MAML3: variants seen among roughly 807,000 people sequenced by gnomAD.
MAML3 encodes mastermind-like protein 3.
MAML3 carries 27 observed loss-of-function variants against 101.9 expected under a neutral mutation model. That is an observed-to-expected ratio of 0.27 (90% confidence interval 0.20 to 0.37). The LOEUF is 0.37. Among genes scored for constraint, MAML3 ranks in the 10% least tolerant of loss-of-function variants. The pLI is 1.00. For missense variants in MAML3, 1,316 were observed against 1,444.9 expected (o/e 0.91, Z 1.45); for synonymous variants, 501 against 555.9 (o/e 0.90, Z 1.39).
chr4:139,724,942 A>C (rs1303927479), intron 4 of MAML3, among the ~76,000 whole-genome samples: 1 of 152,000 alleles, frequency 6.6e-6, no homozygotes, highest in African/African-American at 2.4e-5. Flanking sequence ...GCATTTTTAG[A>C]GAGACAGGGT....
At chr4:139,732,524 A>T (rs189957292) in intron 2 of MAML3, among the ~76,000 whole-genome samples, 93 of 152,220 alleles carry the variant, frequency 6.1e-4, no homozygotes, top group Non-Finnish European at 7.1e-4. Flanking sequence ...GCAGTAGCTT[A>T]GGTCACACAA....
intron 3 of MAML3, among the ~76,000 whole-genome samples, chr4:139,726,402 G>A (rs1270360772): frequency 6.6e-6 from 1 of 152,142 alleles, no homozygotes; most frequent in Non-Finnish European, 1.5e-5. Flanking sequence ...GAACATTCCT[G>A]TACATGCCTT....
intron 1 of MAML3, among the ~76,000 whole-genome samples, chr4:139,972,638 T>C (rs906417535): frequency 2.0e-5 from 3 of 152,246 alleles, no homozygotes; most frequent in Non-Finnish European, 4.4e-5. Context: ...CAATGTTCCA[T>C]ATCATAATTG....
intron 1 of MAML3, among the ~76,000 whole-genome samples, chr4:140,112,020 G>A (rs1166565888): frequency 1.3e-5 from 2 of 152,028 alleles, no homozygotes; most frequent in African/African-American, 4.8e-5. Flanking sequence ...TTAGACTCTG[G>A]TAACTTTTCA....
intron 1 of MAML3, among the ~76,000 whole-genome samples, chr4:139,996,222 G>A (rs1473776596): frequency 6.6e-6 from 1 of 152,132 alleles, no homozygotes; most frequent in African/African-American, 2.4e-5. Flanking sequence ...TGTATATTCT[G>A]CAATTGTTAA....
chr4:139,926,246 G>A (rs1035906822), intron 1 of MAML3, among the ~76,000 whole-genome samples: 1 of 152,204 alleles, frequency 6.6e-6, no homozygotes, highest in South Asian at 2.1e-4. Flanking sequence ...AGAATAAAAA[G>A]AATATTTGAC....
rs1399082329 is a variant in MAML3 at position 139,719,590 on chromosome 4, G to C, written c.3150C>G (p.Gly1050=). 9 of 1,613,108 alleles carry C rather than the reference G, an allele frequency of 5.6e-6. No homozygotes were observed. The highest frequency in any genetic ancestry group is 1.7e-5 in the Admixed American group (1 of 59,908). Reference sequence around the variant, plus strand: ...GCATGCCTGGGACTCCCTGGCTCAGGCCAGACATGACCATTGGCCTCGCCT... The same window carrying C: ...GCATGCCTGGGACTCCCTGGCTCAGCCCAGACATGACCATTGGCCTCGCCT... ...TSQARPMVMS[G]LSQGVPGMPA... is the part of the protein sequence containing the mutation. The change falls in exon 5 of 5, where the codon GGC becomes GGG. Residue 1050 remains glycine (G), a synonymous_variant. Transcript: ENST00000509479.
intron 1 of MAML3, among the ~76,000 whole-genome samples, chr4:140,022,332 G>A (rs1409675866): frequency 1.3e-5 from 2 of 152,128 alleles, no homozygotes; most frequent in Admixed American, 1.3e-4. Context: ...AAAACTATTG[G>A]AACAGCCTGT....
chr4:139,988,020 CAAAAAAAAAA>C (rs71593735), intron 1 of MAML3, among the ~76,000 whole-genome samples: 4 of 31,440 alleles, frequency 1.3e-4, no homozygotes, highest in East Asian at 1.3e-3. Context: ...AACTCCGTCT[CAAAAAAAAAA>C]AAAAAAAAAA....
intron 2 of MAML3, among the ~76,000 whole-genome samples, chr4:139,763,921 G>C (rs570537067): frequency 6.6e-6 from 1 of 152,294 alleles, no homozygotes; most frequent in African/African-American, 2.4e-5. Flanking sequence ...CAAAGTGGAA[G>C]TGCTTCTGTT....
intron 1 of MAML3, among the ~76,000 whole-genome samples, chr4:140,145,431 C>T (rs1729041746): frequency 6.6e-6 from 1 of 152,210 alleles, no homozygotes; most frequent in African/African-American, 2.4e-5. Context: ...AAAGGTTCTA[C>T]TTCAGCATAA....
In MAML3 at chr4:139,866,269, G is replaced by A. The variant is rs539262791; in HGVS notation, c.2079+23088C>T. Among the ~76,000 whole-genome samples the A allele has an allele frequency of 7.2e-5, 11 of 152,342 alleles. No homozygotes were observed. The South Asian group carries it at 1.9e-3, about 26-fold the overall frequency. On this transcript the variant is annotated intron_variant, in intron 2 of 4. Transcript: ENST00000509479. ...AGGCCTGTGGTACATCTGCACTCTT[G>A]CCTTGGGCTCCACAAATGTTAGGGA... is the stretch of plus-strand genomic sequence containing the variant.
chr4:140,109,628 T>C (rs989166150), intron 1 of MAML3, among the ~76,000 whole-genome samples: 1 of 152,214 alleles, frequency 6.6e-6, no homozygotes, highest in Non-Finnish European at 1.5e-5. Context: ...CTCCTACTTC[T>C]TCAGAATCTC....
At chr4:139,833,236 G>C (rs981577772) in intron 2 of MAML3, among the ~76,000 whole-genome samples, 2 of 151,306 alleles carry the variant, frequency 1.3e-5, no homozygotes, top group Non-Finnish European at 1.5e-5. Context: ...ACCCAGAGAG[G>C]GGCTGGGGAA....
chr4:139,720,330 T>A lies in MAML3; in HGVS notation c.2417-7A>T. ...GCTATATCCTGGGGAGAACCTGCAG[T>A]GAAAAAGAGGACACATACCACTCAC... On this transcript the variant is annotated splice_polypyrimidine_tract_variant and splice_region_variant and intron_variant, in intron 4 of 4. Coordinates refer to ENST00000509479, the MANE Select transcript of MAML3 (RefSeq NM_018717.5). The A allele has an allele frequency of 6.6e-7, 1 of 1,517,606 alleles. No individual in the cohort carries two copies. The highest frequency in any genetic ancestry group is 8.8e-7 in the Non-Finnish European group (1 of 1,133,314). 94.0% of individuals were successfully genotyped at this position (1,517,606 alleles called of 1,614,324 possible). A position where few individuals can be genotyped will look rare whatever the true frequency, so the allele number is the denominator to read the frequency against.
At chr4:139,845,389 AT>A (rs1439274473) in intron 2 of MAML3, among the ~76,000 whole-genome samples, 1 of 152,244 alleles carries the variant, frequency 6.6e-6, no homozygotes, top group African/African-American at 2.4e-5. Flanking sequence ...GGGTGTCTGA[AT>A]CAGGTCAAAC....
At chr4:139,966,712 C>T (rs1318912751) in intron 1 of MAML3, among the ~76,000 whole-genome samples, 1 of 152,140 alleles carries the variant, frequency 6.6e-6, no homozygotes, top group African/African-American at 2.4e-5. Context: ...ATTATTGTCA[C>T]TAAATTGGAG....
At chr4:140,105,728 A>G (rs1375249795) in intron 1 of MAML3, among the ~76,000 whole-genome samples, 1 of 152,138 alleles carries the variant, frequency 6.6e-6, no homozygotes, top group Non-Finnish European at 1.5e-5. Context: ...ATGGAGGAAA[A>G]AAACAAAATC....
At chr4:140,033,712 T>C (rs1228919827) in intron 1 of MAML3, among the ~76,000 whole-genome samples, 1 of 152,116 alleles carries the variant, frequency 6.6e-6, no homozygotes, top group Admixed American at 6.5e-5. Context: ...TCCACATATA[T>C]AAAATGAGGA....
Sources: gnomAD v4.1 joint callset for allele counts (sites outside exome capture counted in the v4.1 genomes callset) on GRCh38, gnomAD v4.1.1 for gene constraint, MANE v1.5 for transcripts, NCBI Gene and HGNC (gene_info 2026-07-23, HGNC 2026-07-21) for gene names.